PCLO: variants seen among roughly 807,000 people sequenced by gnomAD.
PCLO encodes the protein protein piccolo.
Under a neutral mutation model 427.5 loss-of-function variants are expected in PCLO, and 82 were observed. The observed-to-expected ratio is 0.19, with a 90% CI of 0.16 to 0.23. The LOEUF is 0.23. PCLO is among the 10% of genes least tolerant of loss of function. The probability of loss-of-function intolerance (pLI) is 1.00; values close to 1 mark genes in which losing one functional copy is unlikely to be tolerated. For missense variants in PCLO, 6,239 were observed against 6,115.9 expected, an observed-to-expected ratio of 1.02 and a Z score of -0.67; for synonymous variants, 2,357 against 2,155.4, an observed-to-expected ratio of 1.09 and a Z score of -2.59.
Position 83,094,777 on chromosome 7 carries a change from T to C in PCLO, c.3300+39473A>G, listed in dbSNP as rs142175470. ...TCAAGAGTGCAACTGCCAGGTTATA[T>C]GGTACTTGCATGTTTAGTTTTTTTA... is the stretch of plus-strand genomic sequence containing the variant. On this transcript the variant is annotated intron_variant, in intron 3 of 24. Transcript: ENST00000333891. Among the ~76,000 whole-genome samples the C allele has an allele frequency of 7.9e-4, 120 of 152,326 alleles. 1 individual carries two copies. Among genetic ancestry groups the C allele is most frequent in the African/African-American group, 2.8e-3 (117 of 41,570 alleles).
At chr7:83,160,093 C>T (rs1482953300) in intron 1 of PCLO, among the ~76,000 whole-genome samples, 1 of 152,094 alleles carries the variant, frequency 6.6e-6, no homozygotes, top group Non-Finnish European at 1.5e-5. Context: ...ACCGATATTG[C>T]CACTCTTTAC....
At chr7:82,791,555 A>T (rs924841444) in intron 22 of PCLO, among the ~76,000 whole-genome samples, 2 of 147,934 alleles carry the variant, frequency 1.4e-5, no homozygotes, top group African/African-American at 5.1e-5. Flanking sequence ...TTTTAGTGGT[A>T]CAAAGCAAAT....
intron 22 of PCLO, among the ~76,000 whole-genome samples, chr7:82,796,065 A>C (rs1791216951): frequency 6.6e-6 from 1 of 152,160 alleles, no homozygotes. Context: ...AGCAATTGAC[A>C]ATGCTTTGAT....
In PCLO at chr7:82,916,533, T is replaced by A; in HGVS notation, c.11453A>T (p.Lys3818Met). The A allele has an allele frequency of 2.5e-6, 4 of 1,613,702 alleles. No individual in the cohort carries two copies. The highest frequency in any genetic ancestry group is 3.4e-6 in the Non-Finnish European group (4 of 1,179,750). The change falls in exon 7 of 25, where the codon AAG becomes ATG. Residue 3818 changes from lysine to methionine, a missense_variant. This residue lies in a region of PCLO where 680 missense variants were observed against 677.3 expected (regional missense o/e 1.00). Transcript: ENST00000333891. Reference sequence around the variant, plus strand: ...TCCCTGGAGGTAGGCTCGTTCTCTCTTTTCTCTCTCCTTTAATAGGGCCTC... The same window carrying A: ...TCCCTGGAGGTAGGCTCGTTCTCTCATTTCTCTCTCCTTTAATAGGGCCTC... ...RKEALLKERE[K>M]RERAYLQGVA...
intron 22 of PCLO, among the ~76,000 whole-genome samples, chr7:82,792,408 C>A (rs1260850979): frequency 6.6e-6 from 1 of 151,360 alleles, no homozygotes; most frequent in Non-Finnish European, 1.5e-5. Flanking sequence ...CTCACTGTAA[C>A]CTCTGCCTCC....
intron 21 of PCLO, among the ~76,000 whole-genome samples, 165 bp downstream of exon 21, chr7:82,805,523 A>G (rs571138417): frequency 2.0e-5 from 3 of 152,288 alleles, no homozygotes; most frequent in South Asian, 2.1e-4. Flanking sequence ...GAATTATCCA[A>G]TCTTTCTTGA....
intron 6 of PCLO, among the ~76,000 whole-genome samples, chr7:82,920,172 TATAAC>T (rs1313065437): frequency 6.6e-6 from 1 of 151,874 alleles, no homozygotes; most frequent in Non-Finnish European, 1.5e-5. Context: ...ATTAAATCAA[TATAAC>T]ATAAAATAAG....
At chr7:82,773,514 A>C (rs147810736) in intron 22 of PCLO, among the ~76,000 whole-genome samples, 69 of 152,080 alleles carry the variant, frequency 4.5e-4, no homozygotes, top group African/African-American at 1.6e-3. Flanking sequence ...AATAAATGTG[A>C]TCCTCCTTGC....
intron 6 of PCLO, among the ~76,000 whole-genome samples, chr7:82,927,704 CT>C (rs1794744771): frequency 6.6e-6 from 1 of 152,140 alleles, no homozygotes; most frequent in Admixed American, 6.6e-5. Context: ...AATCTCACTG[CT>C]TATTCATTCT....
chr7:83,062,038 A>G (rs1789555240), intron 3 of PCLO, among the ~76,000 whole-genome samples: 2 of 152,218 alleles, frequency 1.3e-5, no homozygotes, highest in Non-Finnish European at 2.9e-5. Flanking sequence ...CTAAGATCCA[A>G]TTGGTATAAG....
intron 3 of PCLO, among the ~76,000 whole-genome samples, chr7:83,111,982 T>C (rs1562969417): frequency 6.6e-6 from 1 of 152,210 alleles, no homozygotes; most frequent in African/African-American, 2.4e-5. Flanking sequence ...TCAAAAAGTA[T>C]ATTTATAATT....
chr7:82,957,273 T>A (rs571108751), intron 4 of PCLO, among the ~76,000 whole-genome samples: 1 of 152,304 alleles, frequency 6.6e-6, no homozygotes, highest in African/African-American at 2.4e-5. Context: ...TTATAAATTG[T>A]GATGAAGATA....
chr7:82,785,040 G>A (rs1055518394), intron 22 of PCLO, among the ~76,000 whole-genome samples: 3 of 152,042 alleles, frequency 2.0e-5, no homozygotes, highest in Non-Finnish European at 4.4e-5. Context: ...AATAATTTAA[G>A]TTTCTTTGGT....
chr7:83,012,282 C>T (rs1368464998), intron 3 of PCLO, among the ~76,000 whole-genome samples: 1 of 151,972 alleles, frequency 6.6e-6, no homozygotes, highest in East Asian at 1.9e-4. Flanking sequence ...TCAATTGTTA[C>T]TTGGAGGAAA....
intron 19 of PCLO, among the ~76,000 whole-genome samples, chr7:82,823,586 A>G (rs1313494893): frequency 6.6e-6 from 1 of 152,164 alleles, no homozygotes; most frequent in African/African-American, 2.4e-5. Context: ...TCAAAGGAAA[A>G]GCTCATTTGA....
At chr7:82,816,636 T>A (rs1791685040) in intron 20 of PCLO, among the ~76,000 whole-genome samples, 1 of 152,162 alleles carries the variant, frequency 6.6e-6, no homozygotes, top group South Asian at 2.1e-4. Flanking sequence ...TCTTCTTAGA[T>A]CATATATTAA....
At chr7:82,924,366 T>G (rs1794665645) in intron 6 of PCLO, among the ~76,000 whole-genome samples, 1 of 152,068 alleles carries the variant, frequency 6.6e-6, no homozygotes, top group South Asian at 2.1e-4. Context: ...AACTATTAAA[T>G]TATCAAAAAC....
intron 22 of PCLO, among the ~76,000 whole-genome samples, chr7:82,794,647 A>G (rs913919884): frequency 7.3e-5 from 11 of 149,888 alleles, no homozygotes; most frequent in African/African-American, 2.4e-4. Flanking sequence ...TAATTTTTGT[A>G]TTTTTTGTAG....
chr7:82,968,900 C>T (rs1028854375), intron 3 of PCLO, among the ~76,000 whole-genome samples: 11 of 152,018 alleles, frequency 7.2e-5, no homozygotes, highest in East Asian at 3.9e-4. Context: ...ATTCTAAAAA[C>T]GAAATACAGG....
Sources: allele counts gnomAD v4.1 joint callset (sites outside exome capture counted in the v4.1 genomes callset), GRCh38; gene constraint gnomAD v4.1.1; regional missense constraint gnomAD v4.1.1; transcripts MANE v1.5; gene names NCBI Gene and HGNC (gene_info 2026-07-23, HGNC 2026-07-21).